RHBDD1: variants seen among roughly 807,000 people sequenced by gnomAD.
RHBDD1 encodes the protein rhomboid domain containing 1, also known as rhomboid-related protein 4.
Under a neutral mutation model 36.3 loss-of-function variants are expected in RHBDD1, and 38 were observed. That is an observed-to-expected ratio of 1.05 (90% CI 0.81 to 1.37). The LOEUF (loss-of-function observed/expected upper bound fraction) is 1.37. Among genes scored for constraint, RHBDD1 ranks in the 40% most tolerant of loss-of-function variants. The pLI is 0.00. For synonymous variants in RHBDD1, 151 were observed against 136.5 expected, an observed-to-expected ratio of 1.11 and a Z score of -0.74; for missense variants, 393 against 377.6, an observed-to-expected ratio of 1.04 and a Z score of -0.34.
intron 3 of RHBDD1, among the ~76,000 whole-genome samples, chr2:226,843,094 A>G (rs139234689): frequency 0.022 from 3,340 of 152,188 alleles, 69 homozygotes; most frequent in Non-Finnish European, 0.029. Flanking sequence ...GTGTATAGGA[A>G]TGCTAGCAAT....
chr2:226,839,802 T>A (rs1941411039), intron 3 of RHBDD1, among the ~76,000 whole-genome samples, 175 bp downstream of exon 3: 1 of 152,130 alleles, frequency 6.6e-6, no homozygotes, highest in Admixed American at 6.5e-5. Flanking sequence ...ATTAGCTTTT[T>A]AAAAAATCCC....
chr2:226,946,005 T>G (rs897889976), intron 8 of RHBDD1, among the ~76,000 whole-genome samples: 3 of 152,224 alleles, frequency 2.0e-5, no homozygotes, highest in Non-Finnish European at 4.4e-5. Flanking sequence ...TGGTTGTTTT[T>G]TCTTGTAAAT....
intron 8 of RHBDD1, among the ~76,000 whole-genome samples, chr2:226,978,818 T>C (rs1410919764): frequency 6.6e-6 from 1 of 152,148 alleles, no homozygotes; most frequent in Non-Finnish European, 1.5e-5. Flanking sequence ...AGAAGTTGTG[T>C]TTGAGCCAAG....
At chr2:226,924,305 T>C (rs1406870361) in intron 8 of RHBDD1, among the ~76,000 whole-genome samples, 1 of 152,120 alleles carries the variant, frequency 6.6e-6, no homozygotes, top group Non-Finnish European at 1.5e-5. Context: ...AGAAATGATG[T>C]CTGGTAACTA....
At chr2:226,919,478 C>T (rs1357650741) in intron 8 of RHBDD1, among the ~76,000 whole-genome samples, 1 of 152,040 alleles carries the variant, frequency 6.6e-6, no homozygotes, top group Non-Finnish European at 1.5e-5. Flanking sequence ...GTCTTTAATC[C>T]ATTTCAAATT....
the RHBDD1 span, among the ~76,000 whole-genome samples, chr2:226,822,913 G>A: frequency 2.6e-5 from 4 of 151,962 alleles, no homozygotes; most frequent in African/African-American, 9.7e-5. Flanking sequence ...ATCACTTGAG[G>A]TCAGGAGTTT....
the RHBDD1 span, among the ~76,000 whole-genome samples, chr2:226,809,569 T>C: frequency 1.3e-5 from 2 of 151,052 alleles, no homozygotes; most frequent in Admixed American, 1.3e-4. Flanking sequence ...TTAGTCTCAC[T>C]ATGCAATTTA....
intron 8 of RHBDD1, among the ~76,000 whole-genome samples, chr2:226,916,225 G>A (rs1948900159): frequency 6.6e-6 from 1 of 152,200 alleles, no homozygotes; most frequent in South Asian, 2.1e-4. Flanking sequence ...CCTCTTGGAG[G>A]AACCGCAAAG....
At chr2:226,882,089 A>G (rs538599754) in intron 5 of RHBDD1, among the ~76,000 whole-genome samples, 8 of 152,346 alleles carry the variant, frequency 5.3e-5, no homozygotes, top group African/African-American at 1.9e-4. Context: ...ATACAGATTT[A>G]TCATACATCA....
intron 5 of RHBDD1, among the ~76,000 whole-genome samples, chr2:226,885,111 G>A (rs1002999175): frequency 2.0e-5 from 3 of 152,042 alleles, no homozygotes; most frequent in Admixed American, 2.0e-4. Context: ...TTTCTTTTCT[G>A]TATAACACTA....
At chr2:226,951,409 C>T (rs1022041732) in intron 8 of RHBDD1, among the ~76,000 whole-genome samples, 2 of 152,170 alleles carry the variant, frequency 1.3e-5, no homozygotes, top group African/African-American at 4.8e-5. Flanking sequence ...TTTTTGTTCT[C>T]ATACTCATTC....
chr2:226,951,835 T>C (rs1951446831), intron 8 of RHBDD1, among the ~76,000 whole-genome samples: 1 of 152,262 alleles, frequency 6.6e-6, no homozygotes, highest in Non-Finnish European at 1.5e-5. Context: ...TAACCTTTGT[T>C]GTCCGACATG....
chr2:226,988,893 G>T (rs1371352093), intron 8 of RHBDD1, among the ~76,000 whole-genome samples: 2 of 152,188 alleles, frequency 1.3e-5, no homozygotes, highest in South Asian at 2.1e-4. Context: ...AATTCTAGAT[G>T]CATCCAGTTA....
chr2:226,842,050 A>G (rs967736935), intron 3 of RHBDD1, among the ~76,000 whole-genome samples: 3 of 152,066 alleles, frequency 2.0e-5, no homozygotes, highest in Admixed American at 6.5e-5. Flanking sequence ...ATGATCAGTG[A>G]TGTTGAGCTT....
intron 3 of RHBDD1, among the ~76,000 whole-genome samples, chr2:226,840,270 T>C (rs925220125): frequency 1.1e-4 from 17 of 152,164 alleles, no homozygotes; most frequent in African/African-American, 1.4e-4. Context: ...TCTATCAAAT[T>C]TCTGGGAAGC....
chr2:226,898,200 C>T (rs1947285707), intron 5 of RHBDD1, among the ~76,000 whole-genome samples: 1 of 152,126 alleles, frequency 6.6e-6, no homozygotes, highest in Non-Finnish European at 1.5e-5. Flanking sequence ...AACCTCAAAG[C>T]CATGGCAGAA....
the RHBDD1 span, among the ~76,000 whole-genome samples, chr2:226,830,105 A>G: frequency 6.6e-6 from 1 of 151,948 alleles, no homozygotes; most frequent in Non-Finnish European, 1.5e-5. Flanking sequence ...ATCTATGGAG[A>G]TGATGGTCTG....
intron 3 of RHBDD1, among the ~76,000 whole-genome samples, chr2:226,858,048 A>AT (rs1420217514): frequency 6.6e-6 from 1 of 152,112 alleles, no homozygotes; most frequent in Non-Finnish European, 1.5e-5. Flanking sequence ...CCAAGGTCTG[A>AT]TTTTTCACAC....
At chr2:226,970,839 C>T (rs1372265173) in intron 8 of RHBDD1, among the ~76,000 whole-genome samples, 2 of 152,098 alleles carry the variant, frequency 1.3e-5, no homozygotes, top group Non-Finnish European at 2.9e-5. Flanking sequence ...GTGTGTGCCT[C>T]GGAGAGGAGG....
Sources: gnomAD v4.1 joint callset for allele counts (sites outside exome capture counted in the v4.1 genomes callset) on GRCh38, gnomAD v4.1.1 for gene constraint, MANE v1.5 for transcripts, NCBI Gene and HGNC (gene_info 2026-07-23, HGNC 2026-07-21) for gene names.